The following CCDC91 variants were observed in gnomAD, a reference collection of about 807,000 sequenced individuals.
CCDC91 encodes the protein coiled-coil domain containing 91, also known as coiled-coil domain-containing protein 91.
Under a neutral mutation model 63.2 loss-of-function variants are expected in CCDC91, and 48 were observed. The observed-to-expected ratio is 0.76, with a 90% CI of 0.60 to 0.97. The LOEUF (loss-of-function observed/expected upper bound fraction) is 0.97. CCDC91 is among the 50% of genes least tolerant of loss of function. The probability of loss-of-function intolerance (pLI) is 0.00; values close to 1 mark genes in which losing one functional copy is unlikely to be tolerated. For synonymous variants in CCDC91, 167 were observed against 165.8 expected (o/e 1.01, Z -0.06); for missense variants, 500 against 494.6 (o/e 1.01, Z -0.10).
chr12:28,372,525 T>G (rs1944683642), intron 7 of CCDC91, among the ~76,000 whole-genome samples: 1 of 152,170 alleles, frequency 6.6e-6, no homozygotes, highest in Admixed American at 6.5e-5. Context: ...AGCAGTGTTT[T>G]GTAGTTCTCC....
chr12:28,318,105 G>A (rs1440946977), intron 6 of CCDC91, among the ~76,000 whole-genome samples: 2 of 151,656 alleles, frequency 1.3e-5, no homozygotes, highest in African/African-American at 4.8e-5. Context: ...TAGCTTATTT[G>A]ATACCATTTA....
At chr12:28,313,043 A>C (rs1939485019) in intron 6 of CCDC91, among the ~76,000 whole-genome samples, 1 of 152,076 alleles carries the variant, frequency 6.6e-6, no homozygotes, top group Non-Finnish European at 1.5e-5. Flanking sequence ...ATGGTCTGCC[A>C]GTCATCCTTT....
chr12:28,511,827 C>T (rs1298125551), intron 12 of CCDC91, among the ~76,000 whole-genome samples: 1 of 151,800 alleles, frequency 6.6e-6, no homozygotes, highest in Non-Finnish European at 1.5e-5. Context: ...GCTTCTGTTT[C>T]CACCATAACC....
intron 8 of CCDC91, among the ~76,000 whole-genome samples, chr12:28,411,669 G>A (rs1266325347): frequency 6.6e-6 from 1 of 152,074 alleles, no homozygotes; most frequent in African/African-American, 2.4e-5. Context: ...GTGAACGATG[G>A]ACTGTATATA....
At chr12:28,403,637 C>T (rs1233643414) in intron 8 of CCDC91, among the ~76,000 whole-genome samples, 2 of 152,028 alleles carry the variant, frequency 1.3e-5, no homozygotes, top group African/African-American at 4.8e-5. Flanking sequence ...GCTAGGATTT[C>T]AACATATGAA....
chr12:28,443,593 A>G (rs1478044179), intron 8 of CCDC91, among the ~76,000 whole-genome samples: 1 of 151,932 alleles, frequency 6.6e-6, no homozygotes, highest in Non-Finnish European at 1.5e-5. Context: ...AGAATGTTTG[A>G]TAGTACTTAA....
chr12:28,348,485 A>G (rs1942965938), intron 6 of CCDC91, among the ~76,000 whole-genome samples: 1 of 152,134 alleles, frequency 6.6e-6, no homozygotes, highest in Non-Finnish European at 1.5e-5. Flanking sequence ...CCTTCCAAAC[A>G]TGGAAAGGAG....
intron 12 of CCDC91, among the ~76,000 whole-genome samples, chr12:28,540,946 A>C (rs1470018800): frequency 6.6e-6 from 1 of 152,078 alleles, no homozygotes; most frequent in Non-Finnish European, 1.5e-5. Context: ...ACAGCTACTG[A>C]GTGGGTTTGG....
intron 6 of CCDC91, among the ~76,000 whole-genome samples, chr12:28,312,878 G>A (rs189456618): frequency 4.7e-4 from 72 of 152,078 alleles, no homozygotes; most frequent in South Asian, 2.9e-3. Context: ...TTCACTTTCC[G>A]TCATGATTGT....
At chr12:28,318,578 A>G (rs538523372) in intron 6 of CCDC91, among the ~76,000 whole-genome samples, 1 of 152,072 alleles carries the variant, frequency 6.6e-6, no homozygotes, top group South Asian at 2.1e-4. Context: ...TTACGGAATA[A>G]CAATAGCAAT....
chr12:28,208,400 A>T (rs1156371417), intron 1 of CCDC91, among the ~76,000 whole-genome samples: 1 of 152,356 alleles, frequency 6.6e-6, no homozygotes, highest in African/African-American at 2.4e-5. Flanking sequence ...ATATATTAAT[A>T]TAATTCACTA....
intron 6 of CCDC91, among the ~76,000 whole-genome samples, chr12:28,326,566 A>G (rs1041953256): frequency 9.0e-6 from 1 of 111,224 alleles, no homozygotes; most frequent in African/African-American, 3.7e-5. Flanking sequence ...CCACCCCACA[A>G]CAGTCCCCAG....
At chr12:28,486,787 A>G (rs12370338) in intron 12 of CCDC91, among the ~76,000 whole-genome samples, 31,660 of 152,026 alleles carry the variant, frequency 0.21, 4,323 homozygotes, top group Non-Finnish European at 0.31. Context: ...TACCACATGT[A>G]GAGACATTAT....
chr12:28,279,357 C>A (rs573427425), intron 3 of CCDC91, among the ~76,000 whole-genome samples: 51 of 152,146 alleles, frequency 3.4e-4, no homozygotes, highest in Admixed American at 1.8e-3. Flanking sequence ...AAGTTAAGTA[C>A]AGAAGTCATG....
At chr12:28,493,886 A>G (rs1356295071) in intron 12 of CCDC91, among the ~76,000 whole-genome samples, 1 of 151,630 alleles carries the variant, frequency 6.6e-6, no homozygotes, top group Non-Finnish European at 1.5e-5. Flanking sequence ...TGCTGTCACA[A>G]TCATCTTGAA....
intron 3 of CCDC91, among the ~76,000 whole-genome samples, chr12:28,299,666 T>C (rs1937826405): frequency 6.6e-6 from 1 of 151,670 alleles, no homozygotes. Flanking sequence ...TTCCTGCCGA[T>C]CTTCCACTAT....
chr12:28,259,510 GAAACCCTATTTCTCAAC>G, intron 3 of CCDC91, 68 bp downstream of exon 3: 1 of 943,550 alleles, frequency 1.1e-6, no homozygotes. Context: ...GCAACTCTTT[GAAACCCTATTTCTCAAC>G]TTTTTTACTT....
chr12:28,477,419 A>G (rs1040353463), intron 11 of CCDC91, among the ~76,000 whole-genome samples: 13 of 152,114 alleles, frequency 8.5e-5, no homozygotes, highest in South Asian at 2.1e-4. Context: ...AAATTCAACA[A>G]CCCTTCATGC....
chr12:28,430,645 G>T (rs537312090), intron 8 of CCDC91, among the ~76,000 whole-genome samples: 1 of 152,140 alleles, frequency 6.6e-6, no homozygotes, highest in South Asian at 2.1e-4. Flanking sequence ...ATCCATTTGT[G>T]AATTTTTCCA....
Sources: gnomAD v4.1 joint callset for allele counts (sites outside exome capture counted in the v4.1 genomes callset) on GRCh38, gnomAD v4.1.1 for gene constraint, MANE v1.5 for transcripts, NCBI Gene and HGNC (gene_info 2026-07-23, HGNC 2026-07-21) for gene names.